The following ADAMTSL1 variants were observed in gnomAD, a reference collection of about 807,000 sequenced individuals.
The protein encoded by ADAMTSL1 is ADAMTS-like protein 1.
ADAMTSL1 carries 126 observed loss-of-function variants against 201.8 expected under a neutral mutation model. That is an observed-to-expected ratio of 0.62 (90% CI 0.54 to 0.72). The LOEUF is 0.72. ADAMTSL1 is among the 30% of genes least tolerant of loss of function. The pLI, the probability that ADAMTSL1 is intolerant of heterozygous loss-of-function variation, is 0.00. For missense variants in ADAMTSL1, 2,679 were observed against 2,277.8 expected, an observed-to-expected ratio of 1.18 and a Z score of -3.59; for synonymous variants, 1,121 against 903.4, an observed-to-expected ratio of 1.24 and a Z score of -4.32.
At chr9:18,101,079 A>T (rs1385046096) in intron 1 of ADAMTSL1, among the ~76,000 whole-genome samples, 1 of 152,018 alleles carries the variant, frequency 6.6e-6, no homozygotes, top group Non-Finnish European at 1.5e-5. Flanking sequence ...TCTTTCTGTC[A>T]TCTGTGTTGA....
At position 18,860,508 on chromosome 9, in the gene ADAMTSL1, T is replaced by TAA. The variant is rs11385571; in HGVS notation, c.4250-27310_4250-27309dup. On this transcript the variant is annotated intron_variant, in intron 23 of 28. Coordinates refer to ENST00000380548, the MANE Select transcript of ADAMTSL1 (RefSeq NM_001040272.6). ...TCTACAATATTCACTATCTGGCCCT[T>TAA]AAAAAAAAAAAAAATTGCCAACTCC... 1.0e-3 allele frequency among the ~76,000 whole-genome samples: 150 copies of TAA among 146,822 alleles called. 1 individual carries two copies. The highest frequency in any genetic ancestry group is 7.2e-3 in the Middle Eastern group (2 of 278).
chr9:18,426,893 A>G (rs992099621), intron 2 of ADAMTSL1, among the ~76,000 whole-genome samples: 4 of 152,200 alleles, frequency 2.6e-5, no homozygotes, highest in African/African-American at 4.8e-5. Context: ...ATTTTTTTCA[A>G]TGAAAGCTGT....
At chr9:18,474,012 C>T (rs1821324856), upstream of ADAMTSL1, 2 of 507,220 alleles carry the variant, frequency 3.9e-6, no homozygotes, top group African/African-American at 2.0e-5. Context: ...GTCTGATTAG[C>T]AGGAGCCTGA....
chr9:18,638,607 C>A (rs1056438203), intron 6 of ADAMTSL1, among the ~76,000 whole-genome samples: 3 of 152,012 alleles, frequency 2.0e-5, no homozygotes, highest in African/African-American at 7.2e-5. Context: ...CTCCAGAAAT[C>A]AAGGTTTTTT....
chr9:18,506,591 A>AT (rs5896788), intron 2 of ADAMTSL1, among the ~76,000 whole-genome samples: 84,201 of 150,752 alleles, frequency 0.56, 23,840 homozygotes, highest in Non-Finnish European at 0.61. Flanking sequence ...GCCATGCGAA[A>AT]TTCAAAAATA....
chr9:18,444,967 A>T (rs887196394), intron 2 of ADAMTSL1, among the ~76,000 whole-genome samples: 2 of 152,162 alleles, frequency 1.3e-5, no homozygotes, highest in African/African-American at 4.8e-5. Flanking sequence ...TTCACAGGTG[A>T]GAAAACTGAA....
At chr9:18,393,975 C>T (rs886744505) in intron 2 of ADAMTSL1, among the ~76,000 whole-genome samples, 5 of 152,094 alleles carry the variant, frequency 3.3e-5, no homozygotes, top group African/African-American at 7.2e-5. Flanking sequence ...AATAAGGTTT[C>T]GGGTTACTTT....
At chr9:18,005,487 C>T (rs1490947206) in intron 1 of ADAMTSL1, among the ~76,000 whole-genome samples, 1 of 152,072 alleles carries the variant, frequency 6.6e-6, no homozygotes, top group African/African-American at 2.4e-5. Context: ...AGACACACAG[C>T]TTATTGCCAA....
intron 12 of ADAMTSL1, among the ~76,000 whole-genome samples, chr9:18,683,926 T>G (rs1470144068): frequency 6.6e-6 from 1 of 152,180 alleles, no homozygotes; most frequent in Non-Finnish European, 1.5e-5. Context: ...TATAAAATGG[T>G]GATAGAGCAT....
intron 12 of ADAMTSL1, among the ~76,000 whole-genome samples, chr9:18,683,400 A>ATTT (rs112638357): frequency 1.4e-5 from 2 of 140,344 alleles, no homozygotes; most frequent in African/African-American, 5.3e-5. Flanking sequence ...AATTTTTTGT[A>ATTT]TTTTTTTTTT....
intron 21 of ADAMTSL1, among the ~76,000 whole-genome samples, chr9:18,824,004 G>T (rs1563831652): frequency 6.6e-6 from 1 of 150,404 alleles, no homozygotes; most frequent in African/African-American, 2.5e-5. Context: ...AGAAAGAAAA[G>T]GAAGGAAGGA....
intron 2 of ADAMTSL1, among the ~76,000 whole-genome samples, chr9:18,213,006 A>G (rs1445024585): frequency 6.6e-6 from 1 of 152,218 alleles, no homozygotes; most frequent in African/African-American, 2.4e-5. Flanking sequence ...GGGAACTTCT[A>G]TCTTTAGCCG....
intron 14 of ADAMTSL1, chr9:18,717,946 A>T (rs1833058215): frequency 4.3e-6 from 6 of 1,387,908 alleles, no homozygotes; most frequent in South Asian, 1.2e-5. Flanking sequence ...TTCAGAGCTG[A>T]CTCAGAGCTG....
intron 2 of ADAMTSL1, among the ~76,000 whole-genome samples, chr9:18,459,557 G>A (rs1820732235): frequency 6.6e-6 from 1 of 152,090 alleles, no homozygotes; most frequent in Non-Finnish European, 1.5e-5. Flanking sequence ...CTGCACCCAG[G>A]GAACTTGCCT....
intron 1 of ADAMTSL1, among the ~76,000 whole-genome samples, chr9:18,104,558 A>C (rs1018739935): frequency 6.6e-6 from 1 of 152,092 alleles, no homozygotes; most frequent in African/African-American, 2.4e-5. Flanking sequence ...GGACATAGAG[A>C]GTGGAAAAAT....
At chr9:18,368,309 G>A (rs568371993) in intron 2 of ADAMTSL1, among the ~76,000 whole-genome samples, 2 of 152,128 alleles carry the variant, frequency 1.3e-5, no homozygotes, top group Admixed American at 6.5e-5. Context: ...CTTTCACCAT[G>A]AGCACATGTT....
At chr9:18,536,138 A>C (rs1176430856) in intron 3 of ADAMTSL1, among the ~76,000 whole-genome samples, 1 of 152,152 alleles carries the variant, frequency 6.6e-6, no homozygotes, top group Admixed American at 6.5e-5. Context: ...AAAACACACA[A>C]AAAAAATTTT....
intron 12 of ADAMTSL1, among the ~76,000 whole-genome samples, chr9:18,684,263 T>C (rs1056799846): frequency 1.3e-5 from 2 of 152,174 alleles, no homozygotes; most frequent in South Asian, 2.1e-4. Context: ...GAGTTTGTTT[T>C]TGGCAATGTG....
intron 14 of ADAMTSL1, among the ~76,000 whole-genome samples, chr9:18,707,511 G>T (rs888066646): frequency 6.6e-6 from 1 of 152,202 alleles, no homozygotes; most frequent in Non-Finnish European, 1.5e-5. Context: ...TGTCTAAAAG[G>T]TAATTGATAC....
Sources: allele counts gnomAD v4.1 joint callset (sites outside exome capture counted in the v4.1 genomes callset), GRCh38; gene constraint gnomAD v4.1.1; transcripts MANE v1.5; gene names NCBI Gene and HGNC (gene_info 2026-07-23, HGNC 2026-07-21).